OTOGL: variants seen among roughly 807,000 people sequenced by gnomAD.
OTOGL encodes the protein otogelin-like protein.
In OTOGL, 285 loss-of-function variants were observed where a neutral mutation model predicts 318.5. The observed-to-expected ratio is 0.89, with a 90% CI of 0.81 to 0.99. OTOGL has a LOEUF of 0.99. Ranked by LOEUF, OTOGL falls within the 50% of genes least tolerant of loss-of-function variation. The pLI, the probability that OTOGL is intolerant of heterozygous loss-of-function variation, is 0.00. For missense variants in OTOGL, 2,899 were observed against 2,845.6 expected (o/e 1.02, Z -0.43); for synonymous variants, 987 against 936.5 (o/e 1.05, Z -0.99).
Position 80,378,805 on chromosome 12 carries a change from A to G in OTOGL, c.*757A>G, listed in dbSNP as rs1016505205. Reference sequence around the variant, plus strand: ...TAGAATTAAGTATTTTAAGTTTAACATATTTGAAAAATGCCCCCCATACAT... The same window carrying G: ...TAGAATTAAGTATTTTAAGTTTAACGTATTTGAAAAATGCCCCCCATACAT... On this transcript the variant is annotated 3_prime_UTR_variant, in exon 59 of 59. Transcript: ENST00000547103. The G allele has an allele frequency of 3.9e-5, 6 of 152,058 alleles. No individual in the cohort carries two copies. Among genetic ancestry groups the G allele is most frequent in the South Asian group, 2.1e-4 (1 of 4,830 alleles). The allele number at this position is 152,058 out of a possible 1,614,324, so 9.4% of individuals were successfully genotyped here. A position where few individuals can be genotyped will look rare whatever the true frequency, so the allele number is the denominator to read the frequency against.
In OTOGL at chr12:80,266,503, C is replaced by T. The variant is rs770739753; in HGVS notation, c.2277C>T (p.Leu759=). 2 of 1,613,596 alleles carry T rather than the reference C, an allele frequency of 1.2e-6. No individual in the cohort carries two copies. The highest frequency in any genetic ancestry group is 1.7e-6 in the Non-Finnish European group (2 of 1,179,714). Reference sequence around the variant, plus strand: ...ACCATCACTGTTCCTCGTTCTGCCTCCATTCCTGCATTTCTCTCTCTTCCC... The same window carrying T: ...ACCATCACTGTTCCTCGTTCTGCCTTCATTCCTGCATTTCTCTCTCTTCCC... ...MLYHHCSSFC[L]HSCISLSSPE... is the part of the protein sequence containing the mutation. Residue 759 remains leucine, a synonymous_variant, in exon 21 of 59, where the codon CTC becomes CTT. Coordinates refer to ENST00000547103, the MANE Select transcript of OTOGL (RefSeq NM_001378609.3).
intron 43 of OTOGL, 64 bp from the exon 44 acceptor site, chr12:80,341,884 A>AT (rs1888790046): frequency 9.4e-7 from 1 of 1,065,620 alleles, no homozygotes; most frequent in Admixed American, 2.5e-5. Context: ...TATTTAACTG[A>AT]TTTAGTTGTG....
At chr12:80,314,736 A>G (rs1231047272) in intron 32 of OTOGL, among the ~76,000 whole-genome samples, 1 of 152,130 alleles carries the variant, frequency 6.6e-6, no homozygotes, top group African/African-American at 2.4e-5. Flanking sequence ...ATTGACAAAT[A>G]TAATTGTATA....
rs374052668 is a variant in OTOGL at position 80,208,619 on chromosome 12, TC to T, written c.-19-791del. ...TTCTCATGCCAATGTAAGCAGTCAA[TC>T]CCTGTTAAAGAATAGTGCCCCTATT... On this transcript the variant is annotated intron_variant, in intron 1 of 58. Coordinates refer to ENST00000547103, the MANE Select transcript of OTOGL (RefSeq NM_001378609.3). Among the ~76,000 whole-genome samples the T allele has an allele frequency of 5.9e-3, 906 of 152,306 alleles. 10 individuals carry two copies. The highest frequency in any genetic ancestry group is 0.021 in the African/African-American group (870 of 41,572).
intron 24 of OTOGL, among the ~76,000 whole-genome samples, chr12:80,272,347 TG>T (rs1479233950): frequency 4.7e-4 from 1 of 2,134 alleles, no homozygotes; most frequent in Non-Finnish European, 2.3e-3. Context: ...TTGTGATGTG[TG>T]TGTGTGTGTG....
intron 17 of OTOGL, 28 bp from the exon 18 acceptor site, chr12:80,257,797 C>A: frequency 6.6e-7 from 1 of 1,508,384 alleles, no homozygotes; most frequent in Non-Finnish European, 8.9e-7. Context: ...AATGTCAAAG[C>A]TGATTTACGT....
At chr12:80,327,354 C>T (rs1238140025) in intron 35 of OTOGL, among the ~76,000 whole-genome samples, 1 of 152,120 alleles carries the variant, frequency 6.6e-6, no homozygotes, top group African/African-American at 2.4e-5. Context: ...TCCAGACATC[C>T]TAGGGCTTGA....
intron 28 of OTOGL, among the ~76,000 whole-genome samples, chr12:80,303,809 A>T (rs2137743942): frequency 6.6e-6 from 1 of 152,170 alleles, no homozygotes; most frequent in Non-Finnish European, 1.5e-5. Flanking sequence ...TGATCCAATC[A>T]CCTCTCACCA....
intron 32 of OTOGL, among the ~76,000 whole-genome samples, chr12:80,317,346 G>A (rs1050157240): frequency 2.0e-5 from 3 of 152,144 alleles, no homozygotes; most frequent in African/African-American, 4.8e-5. Context: ...GGTGAAAATA[G>A]TCCAGAATCA....
intron 8 of OTOGL, among the ~76,000 whole-genome samples, chr12:80,231,097 C>T (rs889731745): frequency 7.9e-5 from 12 of 152,088 alleles, no homozygotes; most frequent in South Asian, 2.1e-4. Context: ...GCAAAAAATA[C>T]GCATAATAGT....
intron 11 of OTOGL, among the ~76,000 whole-genome samples, chr12:80,249,430 G>T (rs1455492690): frequency 6.6e-6 from 1 of 151,368 alleles, no homozygotes; most frequent in African/African-American, 2.5e-5. Context: ...TGCCGTGTGA[G>T]GTGTCAGTGT....
At chr12:80,244,178 T>C (rs1592597378) in intron 11 of OTOGL, among the ~76,000 whole-genome samples, 1 of 151,594 alleles carries the variant, frequency 6.6e-6, no homozygotes, top group Non-Finnish European at 1.5e-5. Context: ...TTTTCTTTTT[T>C]TTTTTTTATA....
intron 33 of OTOGL, among the ~76,000 whole-genome samples, chr12:80,319,766 T>G (rs1887205138): frequency 6.6e-6 from 1 of 152,126 alleles, no homozygotes; most frequent in Admixed American, 6.6e-5. Context: ...ATTTCATGAG[T>G]TTTACAAATA....
At chr12:80,125,561 T>A in intron 1 of OTOGL, among the ~76,000 whole-genome samples, 1 of 152,192 alleles carries the variant, frequency 6.6e-6, no homozygotes, top group East Asian at 1.9e-4. Context: ...ATAAAATGAG[T>A]TAAGGAGGAT....
chr12:80,119,691 A>G (rs1870375072), intron 1 of OTOGL, among the ~76,000 whole-genome samples: 1 of 152,110 alleles, frequency 6.6e-6, no homozygotes, highest in East Asian at 1.9e-4. Context: ...GCATTCTCAC[A>G]CTTACCCAGT....
intron 11 of OTOGL, among the ~76,000 whole-genome samples, chr12:80,240,606 A>G (rs1880291603): frequency 6.6e-6 from 1 of 151,112 alleles, no homozygotes; most frequent in African/African-American, 2.5e-5. Flanking sequence ...ATATGAAAAA[A>G]GGACATATGA....
chr12:80,356,872 C>G lies in OTOGL; in HGVS notation c.5977C>G (p.Gln1993Glu). 6.2e-7 allele frequency: 1 copy of G among 1,600,422 alleles called. No individual in the cohort carries two copies. Among genetic ancestry groups the G allele is most frequent in the Non-Finnish European group, 8.5e-7 (1 of 1,173,230 alleles). The change falls in exon 49 of 59, where the codon CAA (glutamine) becomes GAA (glutamate). Residue 1993 changes from glutamine (Q) to glutamate (E), a missense_variant. This residue lies in a region of OTOGL where 2,607 missense variants were observed against 2,524.9 expected (regional missense o/e 1.03). Transcript: ENST00000547103. The stretch of plus-strand genomic sequence containing the variant: ...ATGCAGAGAAGATCAATTCATGATT[C>G]AAGTTCGACAGGAAGAACCTTGTTG... ...PECREDQFMI[Q>E]VRQEEPCCFS...
intron 1 of OTOGL, among the ~76,000 whole-genome samples, chr12:80,137,755 A>G (rs1399879835): frequency 6.6e-6 from 1 of 152,300 alleles, no homozygotes; most frequent in East Asian, 1.9e-4. Context: ...TTCTGATGCC[A>G]GGGTAATTAC....
chr12:80,197,977 G>A (rs573145883), intron 1 of OTOGL, among the ~76,000 whole-genome samples: 11 of 151,720 alleles, frequency 7.3e-5, no homozygotes, highest in Non-Finnish European at 1.6e-4. Flanking sequence ...TTTTTTACAG[G>A]TAAAATACTT....
Sources: allele counts gnomAD v4.1 joint callset (sites outside exome capture counted in the v4.1 genomes callset), GRCh38; gene constraint gnomAD v4.1.1; regional missense constraint gnomAD v4.1.1; transcripts MANE v1.5; gene names NCBI Gene and HGNC (gene_info 2026-07-23, HGNC 2026-07-21).